Variants in URB2 observed in about 807,000 individuals in gnomAD.
The protein encoded by URB2 is URB2 ribosome biogenesis homolog.
Under a neutral mutation model 120.9 loss-of-function variants are expected in URB2, and 86 were observed. That is an observed-to-expected ratio of 0.71 (90% CI 0.60 to 0.85). The LOEUF (loss-of-function observed/expected upper bound fraction) is 0.85. Ranked by LOEUF, URB2 falls within the 40% of genes least tolerant of loss-of-function variation. The pLI is 0.00. For synonymous variants in URB2, 755 were observed against 758.4 expected, an observed-to-expected ratio of 1.00 and a Z score of 0.07; for missense variants, 1,765 against 1,836.5, an observed-to-expected ratio of 0.96 and a Z score of 0.71.
intron 4 of URB2, 124 bp from the exon 5 acceptor site, chr1:229,643,409 C>G: frequency 9.0e-7 from 1 of 1,107,772 alleles, no homozygotes. Flanking sequence ...GTGCTTATAT[C>G]ACCATGCCCC....
rs749560704 is a variant in URB2 at position 229,637,695 on chromosome 1, G to A, written c.3082G>A (p.Ala1028Thr). Residue 1028 changes from alanine to threonine, a missense_variant, in exon 4 of 10, where the codon GCA becomes ACA. Transcript: ENST00000258243. ...GGTGCTCAATTTTAGAAAAATCACC[G>A]CATTCCTCTCTAGTTCCAAACCATA... ...SLVLNFRKIT[A>T]FLSSSKPYTE... The A allele has an allele frequency of 8.7e-6, 14 of 1,614,096 alleles. No homozygotes were observed. The highest frequency in any genetic ancestry group is 1.1e-5 in the Non-Finnish European group (13 of 1,180,048).
At position 229,627,739 on chromosome 1, in the gene URB2, T is replaced by G. The variant is rs1665546001; in HGVS notation, c.106T>G (p.Phe36Val). Residue 36 changes from phenylalanine (F) to valine (V), a missense_variant, in exon 2 of 10, where the codon TTT becomes GTT. By Grantham distance (50) the Phe-to-Val change is conservative. Coordinates refer to ENST00000258243, the MANE Select transcript of URB2 (RefSeq NM_014777.4). ...CTTTGCTTGGATTTCTCACCAGTGC[T>G]TTCTTCCAAATAAAGAACAAGTAAG... Reference protein sequence around the residue: ...AHFAWISHQCFLPNKEQVLLD... With the variant: ...AHFAWISHQCVLPNKEQVLLD... 1 of 1,610,364 alleles carries G rather than the reference T, an allele frequency of 6.2e-7. No individual in the cohort carries two copies. Among genetic ancestry groups the G allele is most frequent in the Non-Finnish European group, 8.5e-7 (1 of 1,178,266 alleles).
chr1:229,627,600 C>T, intron 1 of URB2, 21 bp from the exon 2 acceptor site: 1 of 1,595,816 alleles, frequency 6.3e-7, no homozygotes, highest in Non-Finnish European at 8.5e-7. Context: ...TATTTTTTTT[C>T]CCATTGTTTT....
intron 9 of URB2, among the ~76,000 whole-genome samples, chr1:229,657,377 CTG>C (rs1277791166): frequency 6.6e-6 from 1 of 152,234 alleles, no homozygotes; most frequent in Non-Finnish European, 1.5e-5. Context: ...TACTGAGAAA[CTG>C]TGTAAGTAGT....
intron 9 of URB2, among the ~76,000 whole-genome samples, chr1:229,656,933 C>T (rs1188281816): frequency 3.9e-5 from 6 of 152,180 alleles, no homozygotes; most frequent in African/African-American, 1.4e-4. Context: ...TTCAAAATAT[C>T]ATTAGTTGAA....
At position 229,637,825 on chromosome 1, in the gene URB2, T is replaced by A. The variant is rs766471616; in HGVS notation, c.3212T>A (p.Leu1071His). Residue 1071 changes from leucine to histidine, a missense_variant, in exon 4 of 10, where the codon CTC (leucine) becomes CAC (histidine). Leu to His is a moderately conservative substitution (Grantham distance 99, BLOSUM62 -3). Transcript: ENST00000258243. ...TRLCHVLGPF[L>H]KEQKLGQEAP... ...TTGTGCCATGTCCTGGGACCTTTCCTCAAAGAGCAGAAGCTGGGCCAAGAG... is the reference window on the plus strand; with the variant it reads ...TTGTGCCATGTCCTGGGACCTTTCCACAAAGAGCAGAAGCTGGGCCAAGAG... 1 of 1,609,996 alleles carries A rather than the reference T, an allele frequency of 6.2e-7. No individual in the cohort carries two copies. Among genetic ancestry groups the A allele is most frequent in the South Asian group, 1.1e-5 (1 of 90,810 alleles).
intron 9 of URB2, among the ~76,000 whole-genome samples, chr1:229,655,026 A>G (rs868529592): frequency 2.0e-5 from 3 of 152,300 alleles, no homozygotes; most frequent in Middle Eastern, 3.4e-3. Flanking sequence ...AGACCTCAGG[A>G]TTCTGGGATC....
At position 229,651,285 on chromosome 1, in the gene URB2, G is replaced by A; in HGVS notation, c.4200G>A (p.Val1400=). 1 of 1,612,570 alleles carries A rather than the reference G, an allele frequency of 6.2e-7. No homozygotes were observed. The highest frequency in any genetic ancestry group is 2.2e-5 in the East Asian group (1 of 44,828). The change falls in exon 8 of 10, where the codon GTG becomes GTA. Residue 1400 remains valine, a synonymous_variant. Coordinates refer to ENST00000258243, the MANE Select transcript of URB2 (RefSeq NM_014777.4). The part of the protein sequence containing the change: ...PSFLNSFNRL[V]FSVMREGRQK... Reference sequence around the variant, plus strand: ...TCTTGAACTCTTTCAATAGATTGGTGTTTTCAGTTATGCGGGAAGGGCGGC... The same window carrying A: ...TCTTGAACTCTTTCAATAGATTGGTATTTTCAGTTATGCGGGAAGGGCGGC...
intron 8 of URB2, 105 bp from the exon 9 acceptor site, chr1:229,654,144 T>A: frequency 1.7e-5 from 26 of 1,514,922 alleles, no homozygotes; most frequent in Non-Finnish European, 2.3e-5. Flanking sequence ...TGGGAAAACA[T>A]GTAACACTTG....
intron 2 of URB2, 35 bp downstream of exon 2, chr1:229,627,794 T>C: frequency 6.3e-7 from 1 of 1,582,290 alleles, no homozygotes. Flanking sequence ...TTTTACAGTC[T>C]GTCAAGATAA....
In URB2 at chr1:229,632,363, T is replaced by C; in HGVS notation, c.221T>C (p.Ile74Thr). The C allele has an allele frequency of 6.3e-7, 1 of 1,589,628 alleles. No homozygotes were observed. The highest frequency in any genetic ancestry group is 8.5e-7 in the Non-Finnish European group (1 of 1,172,316). The change falls in exon 3 of 10, where the codon ATA becomes ACA. Residue 74 changes from isoleucine to threonine, a missense_variant. Coordinates refer to ENST00000258243, the MANE Select transcript of URB2 (RefSeq NM_014777.4). ...ATTGTTGAAAGGCTTTGGATCTATA[T>C]AGATAACATTTTACATAGCAGAAAA... Reference protein sequence around the residue: ...EDIVERLWIYIDNILHSRKLQ... With the variant: ...EDIVERLWIYTDNILHSRKLQ...
chr1:229,657,101 C>T (rs1571885907), intron 9 of URB2, among the ~76,000 whole-genome samples: 2 of 152,106 alleles, frequency 1.3e-5, no homozygotes, highest in Admixed American at 1.3e-4. Context: ...TAAGTTGAAC[C>T]GTCTTAAGTC....
chr1:229,645,262 G>A (rs1210855841), intron 5 of URB2, among the ~76,000 whole-genome samples: 1 of 150,712 alleles, frequency 6.6e-6, no homozygotes, highest in Non-Finnish European at 1.5e-5. Flanking sequence ...TCCAAGCCTG[G>A]GTGACAGAGC....
At chr1:229,654,158 T>A in intron 8 of URB2, 91 bp from the exon 9 acceptor site, 2 of 1,552,730 alleles carry the variant, frequency 1.3e-6, no homozygotes, top group Non-Finnish European at 1.8e-6. Context: ...ACACTTGAGA[T>A]AATTTTCACC....
chr1:229,658,656 C>T lies in URB2; in HGVS notation c.4378-444C>T, dbSNP rs1174746491. ...ATGGGGGTCATAGTGTTATGGTGAA[C>T]GTAGTTGTCATTGTCCCACAGGGTT... On this transcript the variant is annotated intron_variant, in intron 9 of 9. Coordinates refer to ENST00000258243, the MANE Select transcript of URB2 (RefSeq NM_014777.4). Among the ~76,000 whole-genome samples, 9 of 152,218 alleles carry T rather than the reference C, an allele frequency of 5.9e-5. No homozygotes were observed. The East Asian group carries it at 1.7e-3, about 29-fold the overall frequency.
chr1:229,636,389 C>G lies in URB2; in HGVS notation c.1776C>G (p.Gly592=). 6.2e-7 allele frequency: 1 copy of G among 1,614,224 alleles called. No individual in the cohort carries two copies. Among genetic ancestry groups the G allele is most frequent in the Non-Finnish European group, 8.5e-7 (1 of 1,180,028 alleles). The change falls in exon 4 of 10, where the codon GGC becomes GGG. Residue 592 remains glycine (G), a synonymous_variant. Coordinates refer to ENST00000258243, the MANE Select transcript of URB2 (RefSeq NM_014777.4). ...PLLALLPDTP[G]PEPELWLQKV... ...TGGCCCTTCTCCCGGACACCCCAGG[C>G]CCAGAGCCAGAGCTGTGGCTGCAGA...
intron 8 of URB2, among the ~76,000 whole-genome samples, chr1:229,652,974 T>C (rs1474063430): frequency 1.3e-5 from 2 of 152,242 alleles, no homozygotes; most frequent in African/African-American, 4.8e-5. Context: ...TTTAACTATT[T>C]TATTATCTCT....
Position 229,637,857 on chromosome 1 carries a change from G to C in URB2, c.3244G>C (p.Ala1082Pro), listed in dbSNP as rs1665888572. 1 of 1,603,872 alleles carries C rather than the reference G, an allele frequency of 6.2e-7. No individual in the cohort carries two copies. The highest frequency in any genetic ancestry group is 1.3e-5 in the African/African-American group (1 of 74,466). The change falls in exon 4 of 10, where the codon GCA becomes CCA. Residue 1082 changes from alanine to proline, a missense_variant. By Grantham distance (27) the Ala-to-Pro change is conservative. Coordinates refer to ENST00000258243, the MANE Select transcript of URB2 (RefSeq NM_014777.4). Reference sequence around the variant, plus strand: ...GCAGAAGCTGGGCCAAGAGGCCCCAGCAGCACTGTCTGAGCTGCTGCAGCA... The same window carrying C: ...GCAGAAGCTGGGCCAAGAGGCCCCACCAGCACTGTCTGAGCTGCTGCAGCA... ...KEQKLGQEAP[A>P]ALSELLQQVV...
chr1:229,643,491 C>T (rs768895174), intron 4 of URB2, 42 bp from the exon 5 acceptor site: 2 of 1,611,246 alleles, frequency 1.2e-6, no homozygotes, highest in African/African-American at 1.3e-5. Flanking sequence ...TAGTTTATTT[C>T]ACCTGTCACA....
Sources: allele counts gnomAD v4.1 joint callset (sites outside exome capture counted in the v4.1 genomes callset), GRCh38; gene constraint gnomAD v4.1.1; transcripts MANE v1.5; gene names NCBI Gene and HGNC (gene_info 2026-07-23, HGNC 2026-07-21).